The following EYS variants were observed in gnomAD, a reference collection of about 807,000 sequenced individuals.
EYS encodes EGF-like photoreceptor maintenance factor, also known as protein eyes shut homolog.
In EYS, 250 loss-of-function variants were observed where a neutral mutation model predicts 282.1. That is an observed-to-expected ratio of 0.89 (90% CI 0.80 to 0.98). EYS has a LOEUF of 0.98. EYS is among the 50% of genes least tolerant of loss of function. EYS has a pLI of 0.00. For missense variants in EYS, 4,016 were observed against 3,709.0 expected, an observed-to-expected ratio of 1.08 and a Z score of -2.15; for synonymous variants, 1,355 against 1,282.9, an observed-to-expected ratio of 1.06 and a Z score of -1.20.
At chr6:65,430,033 G>A (rs145789192) in intron 5 of EYS, among the ~76,000 whole-genome samples, 2 of 152,214 alleles carry the variant, frequency 1.3e-5, no homozygotes, top group African/African-American at 4.8e-5. Flanking sequence ...GGAAAGATGA[G>A]TAATTTGCTC....
intron 12 of EYS, among the ~76,000 whole-genome samples, chr6:65,061,095 C>T (rs1217097423): frequency 6.6e-6 from 1 of 151,860 alleles, no homozygotes; most frequent in Admixed American, 6.6e-5. Context: ...GCGACTGACT[C>T]TTCAATTTCA....
chr6:65,513,796 T>C (rs1350411767), intron 2 of EYS, among the ~76,000 whole-genome samples: 3 of 152,024 alleles, frequency 2.0e-5, no homozygotes, highest in African/African-American at 7.2e-5. Context: ...TATCTCAAAA[T>C]AATAAGAGCT....
intron 35 of EYS, among the ~76,000 whole-genome samples, chr6:63,874,504 TA>T (rs1172961982): frequency 6.6e-6 from 1 of 152,190 alleles, no homozygotes; most frequent in Non-Finnish European, 1.5e-5. Flanking sequence ...ATATAAACTT[TA>T]AAGTAGTTTT....
intron 29 of EYS, among the ~76,000 whole-genome samples, chr6:64,378,880 A>G (rs1772652325): frequency 6.6e-6 from 1 of 152,190 alleles, no homozygotes; most frequent in Admixed American, 6.5e-5. Context: ...CAAAAACCTT[A>G]AGTTGACAAA....
At chr6:65,122,500 ATC>A (rs1775587829) in intron 12 of EYS, among the ~76,000 whole-genome samples, 1 of 152,130 alleles carries the variant, frequency 6.6e-6, no homozygotes, top group South Asian at 2.1e-4. Flanking sequence ...TTGCAGTCTT[ATC>A]TCAGCAAAAC....
chr6:65,565,932 A>T (rs1325936765), intron 2 of EYS, among the ~76,000 whole-genome samples: 1 of 151,908 alleles, frequency 6.6e-6, no homozygotes, highest in Admixed American at 6.6e-5. Context: ...GGAACATCAC[A>T]CACCAGGGCC....
intron 33 of EYS, among the ~76,000 whole-genome samples, chr6:64,038,777 C>A (rs1295388953): frequency 6.6e-6 from 1 of 151,136 alleles, no homozygotes; most frequent in Non-Finnish European, 1.5e-5. Flanking sequence ...ACCTAATTTT[C>A]TTTTTACTTT....
At chr6:65,593,857 C>A (rs1485433099) in intron 2 of EYS, among the ~76,000 whole-genome samples, 1 of 151,780 alleles carries the variant, frequency 6.6e-6, no homozygotes, top group Non-Finnish European at 1.5e-5. Flanking sequence ...AATTAATTAA[C>A]ACATAGAATG....
chr6:63,830,499 G>A (rs1771599247), intron 36 of EYS, among the ~76,000 whole-genome samples: 1 of 152,158 alleles, frequency 6.6e-6, no homozygotes, highest in South Asian at 2.1e-4. Flanking sequence ...ATGAAATGAA[G>A]CAAGAAGAGA....
At chr6:64,794,787 C>T (rs1774303077) in intron 22 of EYS, among the ~76,000 whole-genome samples, 1 of 152,158 alleles carries the variant, frequency 6.6e-6, no homozygotes, top group Admixed American at 6.6e-5. Context: ...TAATCAATTC[C>T]CATTACTATG....
chr6:64,185,969 G>A (rs950818978), intron 31 of EYS, among the ~76,000 whole-genome samples: 3 of 151,972 alleles, frequency 2.0e-5, no homozygotes, highest in African/African-American at 4.8e-5. Context: ...TCACAACGCC[G>A]GGCTAAAAAG....
intron 35 of EYS, among the ~76,000 whole-genome samples, chr6:63,908,031 T>C (rs1312324037): frequency 8.0e-4 from 40 of 50,184 alleles, no homozygotes; most frequent in African/African-American, 2.2e-3. Flanking sequence ...TATATATATA[T>C]ACGTTTGTGT....
chr6:64,666,003 C>T (rs1769216726), intron 22 of EYS, among the ~76,000 whole-genome samples: 1 of 152,176 alleles, frequency 6.6e-6, no homozygotes, highest in Non-Finnish European at 1.5e-5. Context: ...AAACCAAATA[C>T]TGCATGCTCT....
intron 33 of EYS, among the ~76,000 whole-genome samples, chr6:64,010,826 T>C (rs547344283): frequency 6.6e-6 from 1 of 152,226 alleles, no homozygotes; most frequent in Non-Finnish European, 1.5e-5. Context: ...TATTCACAGG[T>C]CCATTCACAG....
intron 2 of EYS, among the ~76,000 whole-genome samples, chr6:65,626,904 AAC>A (rs1375236038): frequency 2.0e-5 from 2 of 101,062 alleles, no homozygotes; most frequent in Admixed American, 1.9e-4. Flanking sequence ...ATGTAAAAAA[AAC>A]ACACACACAC....
At chr6:65,418,077 G>A (rs369938438) in intron 5 of EYS, among the ~76,000 whole-genome samples, 50 of 152,068 alleles carry the variant, frequency 3.3e-4, no homozygotes, top group African/African-American at 1.1e-3. Flanking sequence ...AACAGACTGT[G>A]AGGTATAATT....
chr6:64,422,897 T>C (rs1166169309), intron 28 of EYS, among the ~76,000 whole-genome samples: 1 of 152,182 alleles, frequency 6.6e-6, no homozygotes, highest in East Asian at 1.9e-4. Context: ...TCATTTTATA[T>C]AGATAACATT....
intron 7 of EYS, among the ~76,000 whole-genome samples, chr6:65,398,321 A>C (rs1766365741): frequency 6.6e-6 from 1 of 152,070 alleles, no homozygotes; most frequent in African/African-American, 2.4e-5. Flanking sequence ...AGAGAACCAC[A>C]TACCTACAAC....
intron 30 of EYS, among the ~76,000 whole-genome samples, chr6:64,231,699 A>G (rs1766431199): frequency 6.6e-6 from 1 of 152,126 alleles, no homozygotes; most frequent in African/African-American, 2.4e-5. Flanking sequence ...TTAGATGTAT[A>G]TATTCATTGT....
Sources: gnomAD v4.1 joint callset for allele counts (sites outside exome capture counted in the v4.1 genomes callset) on GRCh38, gnomAD v4.1.1 for gene constraint, MANE v1.5 for transcripts, NCBI Gene and HGNC (gene_info 2026-07-23, HGNC 2026-07-21) for gene names.